The following CENPP variants were observed in gnomAD, a reference collection of about 807,000 sequenced individuals.
CENPP encodes the protein centromere protein P.
In CENPP, 24 loss-of-function variants were observed where a neutral mutation model predicts 35.6. The ratio of observed to expected loss-of-function variants is 0.67; its 90% confidence interval spans 0.49 to 0.95. The LOEUF (loss-of-function observed/expected upper bound fraction) is 0.95, where lower values mean the gene tolerates loss of function less well. Ranked by LOEUF, CENPP falls within the 40% of genes least tolerant of loss-of-function variation. CENPP has a pLI of 0.00. For missense variants in CENPP, 332 were observed against 345.3 expected, an observed-to-expected ratio of 0.96 and a Z score of 0.31; for synonymous variants, 120 against 125.5, an observed-to-expected ratio of 0.96 and a Z score of 0.29.
intron 5 of CENPP, among the ~76,000 whole-genome samples, chr9:92,422,410 C>T (rs559511655): frequency 6.6e-6 from 1 of 152,236 alleles, no homozygotes; most frequent in East Asian, 1.9e-4. Flanking sequence ...CATCAGTTAT[C>T]AACCTTACAT....
chr9:92,418,099 A>G (rs748927199), intron 5 of CENPP, among the ~76,000 whole-genome samples: 3 of 149,778 alleles, frequency 2.0e-5, no homozygotes, highest in Non-Finnish European at 4.4e-5. Flanking sequence ...TTTTCTTTTT[A>G]TTTTTGAGAT....
At chr9:92,523,607 G>A (rs550344260) in intron 5 of CENPP, among the ~76,000 whole-genome samples, 1 of 152,326 alleles carries the variant, frequency 6.6e-6, no homozygotes, top group East Asian at 1.9e-4. Flanking sequence ...TGTTTAGGGC[G>A]AAACAGTGAA....
At chr9:92,521,128 A>G (rs1400000681) in intron 5 of CENPP, among the ~76,000 whole-genome samples, 1 of 152,254 alleles carries the variant, frequency 6.6e-6, no homozygotes, top group Non-Finnish European at 1.5e-5. Flanking sequence ...TGATACAATC[A>G]AAAAGTACTG....
Position 92,453,592 on chromosome 9 carries a change from G to C in CENPP, c.564+73733G>C, listed in dbSNP as rs1479678633. ...GTATATTCTGTTGATTTGGGGTGGA[G>C]AGTTCTGTAGATGTCTATTAGAGAC... On this transcript the variant is annotated intron_variant, in intron 5 of 7. Coordinates refer to ENST00000375587, the MANE Select transcript of CENPP (RefSeq NM_001012267.3). Among the ~76,000 whole-genome samples, 7 of 152,132 alleles carry C rather than the reference G, an allele frequency of 4.6e-5. No individual in the cohort carries two copies. The East Asian group carries it at 1.3e-3, about 29-fold the overall frequency.
chr9:92,339,634 C>G (rs72750498), intron 3 of CENPP: 4,669 of 152,908 alleles, frequency 0.031, 111 homozygotes, highest in South Asian at 0.079. Context: ...TTCAATGTGT[C>G]AGGGGCATGG....
intron 5 of CENPP, among the ~76,000 whole-genome samples, chr9:92,594,896 T>TC (rs900261364): frequency 6.8e-6 from 1 of 146,580 alleles, no homozygotes; most frequent in Non-Finnish European, 1.5e-5. Flanking sequence ...GCTCTTCTTT[T>TC]TTTTTTTTTT....
intron 5 of CENPP, among the ~76,000 whole-genome samples, chr9:92,489,544 T>G (rs1299852001): frequency 2.0e-5 from 3 of 152,224 alleles, no homozygotes; most frequent in African/African-American, 7.2e-5. Context: ...TTCCCCCTTT[T>G]TAGGTATTAT....
intron 5 of CENPP, among the ~76,000 whole-genome samples, chr9:92,534,375 C>A (rs1849040696): frequency 6.6e-6 from 1 of 152,214 alleles, no homozygotes; most frequent in Admixed American, 6.5e-5. Flanking sequence ...AGTCAGGTTT[C>A]ACTTAGTTAG....
intron 5 of CENPP, chr9:92,522,563 G>T (rs369658359): frequency 1.1e-4 from 170 of 1,591,560 alleles, no homozygotes; most frequent in Non-Finnish European, 1.3e-4. Flanking sequence ...CTCTCTCATA[G>T]TGTTCTCTTA....
intron 7 of CENPP, 69 bp downstream of exon 7, chr9:92,612,683 C>A: frequency 8.8e-7 from 1 of 1,140,146 alleles, no homozygotes; most frequent in Non-Finnish European, 1.3e-6. Context: ...TGCCTGTTTC[C>A]TCTGGGTTTC....
chr9:92,416,585 T>C, intron 5 of CENPP: 18 of 1,277,888 alleles, frequency 1.4e-5, no homozygotes, highest in Non-Finnish European at 1.9e-5. Flanking sequence ...ATTCCATTCT[T>C]TCTCTCTTCA....
intron 5 of CENPP, chr9:92,517,697 G>C: frequency 6.2e-7 from 1 of 1,614,162 alleles, no homozygotes; most frequent in African/African-American, 1.3e-5. Context: ...CAGTAGCGGA[G>C]CAGACCGGGC....
At chr9:92,365,331 T>C (rs1434818736) in intron 4 of CENPP, among the ~76,000 whole-genome samples, 1 of 151,798 alleles carries the variant, frequency 6.6e-6, no homozygotes, top group Non-Finnish European at 1.5e-5. Context: ...CCTAATCATA[T>C]CAGTTTGTTA....
In CENPP at chr9:92,546,446, T is replaced by G. The variant is rs555760032; in HGVS notation, c.565-64868T>G. Among the ~76,000 whole-genome samples, 10 of 152,290 alleles carry G rather than the reference T, an allele frequency of 6.6e-5. No homozygotes were observed. The South Asian group carries it at 2.1e-3, about 32-fold the overall frequency. ...GAGCTGTAACACTCATGGGGGAAGATCTGCAGCTTCGCTCCTGAAGCCAGC... is the reference window on the plus strand; with the variant it reads ...GAGCTGTAACACTCATGGGGGAAGAGCTGCAGCTTCGCTCCTGAAGCCAGC... On this transcript the variant is annotated intron_variant, in intron 5 of 7. Transcript: ENST00000375587.
intron 5 of CENPP, among the ~76,000 whole-genome samples, chr9:92,545,284 G>A (rs1288685408): frequency 8.5e-5 from 13 of 152,302 alleles, no homozygotes; most frequent in South Asian, 4.1e-4. Context: ...AGAGGTACGG[G>A]CGGGAACCAG....
intron 5 of CENPP, among the ~76,000 whole-genome samples, chr9:92,448,460 CG>C (rs1485970473): frequency 6.6e-6 from 1 of 151,704 alleles, no homozygotes; most frequent in Non-Finnish European, 1.5e-5. Flanking sequence ...TTGGTAGAGA[CG>C]GGGTTTCACC....
intron 5 of CENPP, among the ~76,000 whole-genome samples, chr9:92,504,480 G>A (rs373250579): frequency 3.0e-4 from 45 of 152,252 alleles, no homozygotes; most frequent in African/African-American, 1.0e-3. Context: ...GGGTTCCCAC[G>A]GGGTCTGCCA....
At chr9:92,345,616 T>C in intron 3 of CENPP, 83 bp from the exon 4 acceptor site, 1 of 750,956 alleles carries the variant, frequency 1.3e-6, no homozygotes, top group Non-Finnish European at 2.2e-6. Context: ...TTTGGTGGCA[T>C]TTCATTTTGC....
intron 1 of CENPP, among the ~76,000 whole-genome samples, chr9:92,327,145 T>TA (rs1840566963): frequency 6.6e-6 from 1 of 152,210 alleles, no homozygotes; most frequent in Non-Finnish European, 1.5e-5. Context: ...ATCTGCATTT[T>TA]AAAAAAATAC....
Sources: allele counts gnomAD v4.1 joint callset (sites outside exome capture counted in the v4.1 genomes callset), GRCh38; gene constraint gnomAD v4.1.1; transcripts MANE v1.5; gene names NCBI Gene and HGNC (gene_info 2026-07-23, HGNC 2026-07-21).